FHIT: variants seen among roughly 807,000 people sequenced by gnomAD.
The protein encoded by FHIT is bis(5'-adenosyl)-triphosphatase.
Under a neutral mutation model 17.9 loss-of-function variants are expected in FHIT, and 19 were observed. That is an observed-to-expected ratio of 1.06 (90% confidence interval 0.74 to 1.56). The LOEUF (loss-of-function observed/expected upper bound fraction) is 1.56, where lower values mean the gene tolerates loss of function less well. FHIT is among the 40% of genes most tolerant of loss of function. The pLI is 0.00. For missense variants in FHIT, 248 were observed against 189.2 expected, an observed-to-expected ratio of 1.31 and a Z score of -1.82; for synonymous variants, 81 against 69.7, an observed-to-expected ratio of 1.16 and a Z score of -0.81.
intron 7 of FHIT, among the ~76,000 whole-genome samples, chr3:59,935,778 A>AATGG: frequency 6.6e-6 from 1 of 152,030 alleles, no homozygotes; most frequent in South Asian, 2.1e-4. Flanking sequence ...TGGATGGATG[A>AATGG]ATGGATGGTT....
intron 4 of FHIT, among the ~76,000 whole-genome samples, chr3:60,787,016 AAC>A (rs1267939692): frequency 4.0e-5 from 6 of 151,012 alleles, no homozygotes; most frequent in South Asian, 2.1e-4. Context: ...AAAAAAAAAA[AAC>A]AAAACAGAAG....
intron 7 of FHIT, among the ~76,000 whole-genome samples, chr3:59,973,963 G>A (rs1708296998): frequency 6.8e-6 from 1 of 147,356 alleles, no homozygotes; most frequent in Non-Finnish European, 1.5e-5. Flanking sequence ...CAAGTACAAT[G>A]ATTTGTAGGG....
At chr3:60,044,316 A>G (rs566672788) in intron 5 of FHIT, among the ~76,000 whole-genome samples, 2 of 152,332 alleles carry the variant, frequency 1.3e-5, no homozygotes, top group African/African-American at 4.8e-5. Context: ...ACCGTTACCC[A>G]TTAGTAATAT....
At chr3:60,305,686 T>C (rs1317239658) in intron 5 of FHIT, among the ~76,000 whole-genome samples, 2 of 152,142 alleles carry the variant, frequency 1.3e-5, no homozygotes, top group African/African-American at 4.8e-5. Context: ...TTACATACAT[T>C]AGAGAAGTAC....
intron 5 of FHIT, among the ~76,000 whole-genome samples, chr3:60,380,597 A>C (rs953731119): frequency 1.3e-5 from 2 of 152,206 alleles, no homozygotes; most frequent in African/African-American, 4.8e-5. Flanking sequence ...AGATTTTAAA[A>C]GCAATGGATT....
chr3:60,302,199 T>A (rs148953925), intron 5 of FHIT, among the ~76,000 whole-genome samples: 179 of 152,254 alleles, frequency 1.2e-3, no homozygotes, highest in Middle Eastern at 6.8e-3. Flanking sequence ...ATTCTTTTTT[T>A]AAATTTTTAT....
At chr3:60,192,415 T>C (rs1702444798) in intron 5 of FHIT, among the ~76,000 whole-genome samples, 1 of 152,162 alleles carries the variant, frequency 6.6e-6, no homozygotes. Flanking sequence ...GTATGGCAGA[T>C]GCCTTTCATG....
chr3:60,702,132 G>A (rs782704388), intron 4 of FHIT, among the ~76,000 whole-genome samples: 1 of 152,140 alleles, frequency 6.6e-6, no homozygotes, highest in Non-Finnish European at 1.5e-5. Context: ...CCAAAATGCT[G>A]GGATTATAGG....
At chr3:59,954,688 A>G (rs1000892079) in intron 7 of FHIT, among the ~76,000 whole-genome samples, 2 of 152,246 alleles carry the variant, frequency 1.3e-5, no homozygotes, top group Non-Finnish European at 2.9e-5. Flanking sequence ...AACATGTTCC[A>G]GAAAACTCAA....
intron 5 of FHIT, among the ~76,000 whole-genome samples, chr3:60,107,676 T>C (rs1198578389): frequency 1.3e-5 from 2 of 152,200 alleles, no homozygotes; most frequent in Non-Finnish European, 2.9e-5. Context: ...TCCTTTAATA[T>C]AGGCATTTGC....
chr3:60,983,936 G>A (rs1195281601), intron 3 of FHIT, among the ~76,000 whole-genome samples: 2 of 151,994 alleles, frequency 1.3e-5, no homozygotes, highest in Non-Finnish European at 2.9e-5. Flanking sequence ...AAAAAAAATT[G>A]TAATTCACAC....
intron 5 of FHIT, among the ~76,000 whole-genome samples, chr3:60,185,587 G>A (rs1218687837): frequency 6.6e-6 from 1 of 152,144 alleles, no homozygotes; most frequent in Non-Finnish European, 1.5e-5. Context: ...ACATTCCAGT[G>A]CAGGGTTTTC....
intron 7 of FHIT, among the ~76,000 whole-genome samples, chr3:59,969,010 A>T (rs1047423081): frequency 3.9e-5 from 6 of 152,156 alleles, no homozygotes; most frequent in Non-Finnish European, 5.9e-5. Context: ...TCTAATGAAC[A>T]TATTTTGGGA....
chr3:60,519,859 A>G lies in FHIT; in HGVS notation c.103+17001T>C, dbSNP rs1049889523. On this transcript the variant is annotated intron_variant, in intron 5 of 9. Transcript: ENST00000492590. ...TGCATCACACACAAAGAAAAATGAG[A>G]ACCATGAGAGATCACTTTTTACTGT... Among the ~76,000 whole-genome samples, 18 of 152,254 alleles carry G rather than the reference A, an allele frequency of 1.2e-4. 1 individual carries two copies. Among genetic ancestry groups the G allele is most frequent in the Admixed American group, 3.9e-4 (6 of 15,298 alleles).
At chr3:60,998,407 G>A (rs1001263704) in intron 3 of FHIT, among the ~76,000 whole-genome samples, 18 of 152,068 alleles carry the variant, frequency 1.2e-4, no homozygotes, top group Non-Finnish European at 2.1e-4. Context: ...TTTTGAGGAC[G>A]CACTTTCTCA....
chr3:61,139,829 G>C (rs138538356), intron 2 of FHIT, among the ~76,000 whole-genome samples: 5 of 152,210 alleles, frequency 3.3e-5, no homozygotes, highest in African/African-American at 1.2e-4. Context: ...TGAATAGCAA[G>C]AGCGGTCTAA....
chr3:60,121,707 C>CA (rs764037002), intron 5 of FHIT, among the ~76,000 whole-genome samples: 62 of 62,318 alleles, frequency 9.9e-4, no homozygotes, highest in Middle Eastern at 6.6e-3. Context: ...ACAAACAAAA[C>CA]AAACACACAC....
In FHIT at chr3:60,072,598, C is replaced by T. The variant is rs571812377; in HGVS notation, c.104-58446G>A. Among the ~76,000 whole-genome samples the T allele has an allele frequency of 2.6e-5, 4 of 152,266 alleles. No individual in the cohort carries two copies. In the South Asian group the frequency reaches 8.3e-4, roughly 32 times the overall value. ...CTTCAAGGTAGCCACCGTTATTGTT[C>T]CCATTCTATAGATGGAGACTGAAAC... On this transcript the variant is annotated intron_variant, in intron 5 of 9. Transcript: ENST00000492590.
chr3:59,953,858 G>A (rs952110371), intron 7 of FHIT, among the ~76,000 whole-genome samples: 5 of 152,168 alleles, frequency 3.3e-5, no homozygotes, highest in Admixed American at 1.3e-4. Flanking sequence ...GGTACCTACT[G>A]GTGTACCCCC....
Sources: gnomAD v4.1 joint callset for allele counts (sites outside exome capture counted in the v4.1 genomes callset) on GRCh38, gnomAD v4.1.1 for gene constraint, MANE v1.5 for transcripts, NCBI Gene and HGNC (gene_info 2026-07-23, HGNC 2026-07-21) for gene names.